Variants in MED14 observed in about 807,000 individuals in gnomAD.
The protein encoded by MED14 is mediator of RNA polymerase II transcription subunit 14.
MED14 carries 8 observed loss-of-function variants against 109.0 expected under a neutral mutation model. The ratio of observed to expected loss-of-function variants is 0.07; its 90% CI spans 0.04 to 0.13. The LOEUF is 0.13. Ranked by LOEUF, MED14 falls within the 10% of genes least tolerant of loss-of-function variation. MED14 has a pLI of 1.00. For missense variants in MED14, 711 were observed against 1,142.4 expected, an observed-to-expected ratio of 0.62 and a Z score of 5.44; for synonymous variants, 399 against 408.7, an observed-to-expected ratio of 0.98 and a Z score of 0.29.
chrX:40,730,661 C>T (rs1423494891), intron 1 of MED14, among the ~76,000 whole-genome samples: 1 of 111,198 alleles, frequency 9.0e-6, no homozygotes, highest in African/African-American at 3.3e-5. Flanking sequence ...TCCCCTTTCC[C>T]CTATTCCTCC....
rs189980159 is a variant in MED14, at chrX:40,705,757, G to A, written c.1286-2188C>T. Among the ~76,000 whole-genome samples the A allele has an allele frequency of 6.3e-5, 7 of 111,608 alleles. No individual in the cohort carries two copies. The Admixed American group carries it at 6.7e-4, about 11-fold the overall frequency. On this transcript the variant is annotated intron_variant, in intron 10 of 30. Coordinates refer to ENST00000324817, the MANE Select transcript of MED14 (RefSeq NM_004229.4). ...GAAGAGCGGCAACTAAGCTCAATTA[G>A]GAATGGCTGTGTGTGGTTCATAGCT...
At position 40,654,655 on chromosome X, in the gene MED14, A is replaced by T. The variant is rs1198302496; in HGVS notation, c.4099-99T>A. On this transcript the variant is annotated intron_variant, in intron 29 of 30. Coordinates refer to ENST00000324817, the MANE Select transcript of MED14 (RefSeq NM_004229.4). ...TCATTTACTGTACTTTCAGATTAAGATAAGCAAGCAAAAGAAAATTACACA... is the reference window on the plus strand; with the variant it reads ...TCATTTACTGTACTTTCAGATTAAGTTAAGCAAGCAAAAGAAAATTACACA... 3 of 911,079 alleles carry T rather than the reference A, an allele frequency of 3.3e-6. No homozygotes were observed. In the Admixed American group the frequency reaches 1.0e-4, roughly 31 times the overall value. 75.1% of individuals were successfully genotyped at this position (911,079 alleles called of 1,213,427 possible).
intron 11 of MED14, among the ~76,000 whole-genome samples, chrX:40,701,709 C>T (rs1238697089): frequency 8.9e-6 from 1 of 111,765 alleles, no homozygotes; most frequent in Admixed American, 9.5e-5. Context: ...GGCTGAAGAT[C>T]AGCTTGCAAA....
chrX:40,651,928 G>A (rs764308127), intron 30 of MED14, 49 bp from the exon 31 acceptor site: 3 of 1,126,819 alleles, frequency 2.7e-6, no homozygotes, highest in Admixed American at 2.8e-5. Context: ...CAGGAAAGAT[G>A]TTAACACACC....
chrX:40,734,423 C>A lies in MED14; in HGVS notation c.215+775G>T, dbSNP rs5918035. Among the ~76,000 whole-genome samples, 1,043 of 111,825 alleles carry A rather than the reference C, an allele frequency of 9.3e-3. 7 individuals are homozygous for A. The highest frequency in any genetic ancestry group is 0.023 in the Middle Eastern group (5 of 215). On this transcript the variant is annotated intron_variant, in intron 1 of 30. Coordinates refer to ENST00000324817, the MANE Select transcript of MED14 (RefSeq NM_004229.4). ...GCCTAATATCTGCATACTAATGTAT[C>A]TCAATTGATAACCCTGATCTGAAGT...
intron 23 of MED14, among the ~76,000 whole-genome samples, chrX:40,668,188 G>C (rs894515614): frequency 9.0e-6 from 1 of 110,860 alleles, no homozygotes; most frequent in Non-Finnish European, 1.9e-5. Context: ...TTTGAGACTA[G>C]CCTGGCCAAC....
chrX:40,663,474 G>T (rs1487333226), intron 25 of MED14, among the ~76,000 whole-genome samples: 1 of 111,946 alleles, frequency 8.9e-6, no homozygotes, highest in Non-Finnish European at 1.9e-5. Flanking sequence ...GTGACACTGG[G>T]CTAGTTGTAG....
chrX:40,688,291 A>G (rs1930369021), intron 16 of MED14, among the ~76,000 whole-genome samples, 163 bp downstream of exon 16: 1 of 112,093 alleles, frequency 8.9e-6, no homozygotes, highest in Non-Finnish European at 1.9e-5. Flanking sequence ...TTGCCACTCC[A>G]TAGATTAAAG....
At position 40,666,773 on chromosome X, in the gene MED14, G is replaced by T. The variant is rs753283047; in HGVS notation, c.3212C>A (p.Pro1071Gln). The T allele has an allele frequency of 7.5e-6, 9 of 1,204,186 alleles. No individual in the cohort carries two copies. Among genetic ancestry groups the T allele is most frequent in the Non-Finnish European group, 7.9e-6 (7 of 891,100 alleles). Residue 1071 changes from proline to glutamine, a missense_variant, in exon 24 of 31, where the codon CCA (proline) becomes CAA (glutamine). By Grantham distance (76) the Pro-to-Gln change is moderately conservative. Coordinates refer to ENST00000324817, the MANE Select transcript of MED14 (RefSeq NM_004229.4). ...SPASFVPTPP[P>Q]SSHGISIGPG... ...TCCTATTGAGATTCCATGCGAGGAT[G>T]GGGGAGGAGTTGGAACAAATGACGC... is the stretch of plus-strand genomic sequence containing the variant.
intron 23 of MED14, among the ~76,000 whole-genome samples, chrX:40,667,898 C>T (rs188089631): frequency 1.8e-5 from 2 of 111,275 alleles, no homozygotes; most frequent in East Asian, 2.8e-4. Context: ...ATGAAAGAGA[C>T]GTCCAGCATG....
In MED14 at chrX:40,649,355, C is replaced by T. The variant is rs374002359; in HGVS notation, c.*2451G>A. ...GACTCCTGTTATTAGCGACTTGACACGTTCTGCTGAAGCTCTCACTTTTCT... is the reference window on the plus strand; with the variant it reads ...GACTCCTGTTATTAGCGACTTGACATGTTCTGCTGAAGCTCTCACTTTTCT... On this transcript the variant is annotated 3_prime_UTR_variant, in exon 31 of 31. Transcript: ENST00000324817. 22 of 149,602 alleles carry T rather than the reference C, an allele frequency of 1.5e-4. No individual in the cohort carries two copies. The South Asian group carries it at 2.5e-3, about 17-fold the overall frequency. 12.3% of individuals were successfully genotyped at this position (149,602 alleles called of 1,213,427 possible). A position where few individuals can be genotyped will look rare whatever the true frequency, so the allele number is the denominator to read the frequency against.
intron 21 of MED14, among the ~76,000 whole-genome samples, chrX:40,676,325 G>A (rs993945173): frequency 2.7e-5 from 3 of 111,755 alleles, no homozygotes; most frequent in Non-Finnish European, 3.8e-5. Context: ...AAGATGATGG[G>A]CTCACAACAC....
At chrX:40,712,402 G>C (rs974679229) in intron 6 of MED14, 109 bp from the exon 7 acceptor site, 1 of 471,386 alleles carries the variant, frequency 2.1e-6, no homozygotes, top group Non-Finnish European at 3.6e-6. Flanking sequence ...AAAAAGCACT[G>C]AAATTATCTA....
chrX:40,652,028 T>A (rs1928897764), intron 30 of MED14, 149 bp from the exon 31 acceptor site: 1 of 586,551 alleles, frequency 1.7e-6, no homozygotes, highest in African/African-American at 2.4e-5. Context: ...TTATTGGGGA[T>A]TAAGCTGTGG....
chrX:40,678,452 C>G (rs1005284611), intron 21 of MED14, among the ~76,000 whole-genome samples: 1 of 111,546 alleles, frequency 9.0e-6, no homozygotes, highest in Non-Finnish European at 1.9e-5. Flanking sequence ...TCATAGTAAG[C>G]TTGGTTGCAG....
chrX:40,689,177 G>A (rs1930403393), intron 15 of MED14, among the ~76,000 whole-genome samples: 1 of 112,255 alleles, frequency 8.9e-6, no homozygotes, highest in African/African-American at 3.2e-5. Flanking sequence ...CTTGCCTTTG[G>A]CAGATATTCC....
At chrX:40,658,053 C>T (rs1156565574) in intron 28 of MED14, among the ~76,000 whole-genome samples, 1 of 109,643 alleles carries the variant, frequency 9.1e-6, no homozygotes, top group Non-Finnish European at 1.9e-5. Context: ...CTCAGCCTTC[C>T]AAAGTGCTAG....
intron 15 of MED14, among the ~76,000 whole-genome samples, chrX:40,690,847 A>T (rs1930475953): frequency 8.9e-6 from 1 of 112,538 alleles, no homozygotes; most frequent in African/African-American, 3.2e-5. Flanking sequence ...TGACCGACAA[A>T]GTCTAAAATA....
At chrX:40,685,316 C>A (rs182420907) in intron 16 of MED14, among the ~76,000 whole-genome samples, 8 of 111,869 alleles carry the variant, frequency 7.2e-5, no homozygotes, top group South Asian at 3.7e-4. Flanking sequence ...ACATCATTAA[C>A]CCCACTATGG....
Sources: allele counts gnomAD v4.1 joint callset (sites outside exome capture counted in the v4.1 genomes callset), GRCh38; gene constraint gnomAD v4.1.1; transcripts MANE v1.5; gene names NCBI Gene and HGNC (gene_info 2026-07-23, HGNC 2026-07-21).